SVOP: variants seen among roughly 807,000 people sequenced by gnomAD.
SVOP encodes SV2 related protein.
In SVOP, 17 loss-of-function variants were observed where a neutral mutation model predicts 69.1. The observed-to-expected ratio is 0.25, with a 90% confidence interval of 0.17 to 0.37. SVOP has a LOEUF of 0.37. Among genes scored for constraint, SVOP ranks in the 10% least tolerant of loss-of-function variants. The pLI is 1.00. For missense variants in SVOP, 435 were observed against 597.5 expected, an observed-to-expected ratio of 0.73 and a Z score of 2.84; for synonymous variants, 238 against 238.6, an observed-to-expected ratio of 1.00 and a Z score of 0.02.
At chr12:108,952,825 C>G (rs2039963785) in intron 6 of SVOP, among the ~76,000 whole-genome samples, 1 of 152,146 alleles carries the variant, frequency 6.6e-6, no homozygotes, top group Admixed American at 6.5e-5. Flanking sequence ...TGTTGCTGTA[C>G]TCCAGCCTTG....
chr12:108,985,252 A>C, intron 1 of SVOP, among the ~76,000 whole-genome samples: 1 of 151,774 alleles, frequency 6.6e-6, no homozygotes, highest in Admixed American at 6.6e-5. Flanking sequence ...GAAACAAAGA[A>C]AAGAAAGAAA....
intron 2 of SVOP, 140 bp downstream of exon 2, chr12:108,983,461 C>T (rs1160648544): frequency 2.5e-6 from 1 of 397,716 alleles, no homozygotes; most frequent in Non-Finnish European, 4.4e-6. Flanking sequence ...TATGTAGGCT[C>T]AGCTCCCACT....
chr12:109,001,113 G>T (rs1274149369), intron 1 of SVOP, among the ~76,000 whole-genome samples: 1 of 147,588 alleles, frequency 6.8e-6, no homozygotes, highest in Non-Finnish European at 1.5e-5. Flanking sequence ...CTTCAGCAAA[G>T]TCTCAGGATA....
At position 108,909,507 on chromosome 12, in the gene SVOP, G is replaced by A. The variant is rs938515407; in HGVS notation, c.*3028C>T. 2 of 150,704 alleles carry A rather than the reference G, an allele frequency of 1.3e-5. No individual in the cohort carries two copies. The highest frequency in any genetic ancestry group is 2.1e-4 in the South Asian group (1 of 4,796). The allele number at this position is 150,704 out of a possible 1,614,324, so 9.3% of individuals were successfully genotyped here. A position where few individuals can be genotyped will look rare whatever the true frequency, so the allele number is the denominator to read the frequency against. On this transcript the variant is annotated 3_prime_UTR_variant, in exon 16 of 16. Coordinates refer to ENST00000610966, the MANE Select transcript of SVOP (RefSeq NM_018711.5). ...AAAAAAAAAAGTAATTGCAGTTTTT[G>A]CCATTGAAAATAATGGCAGGGGAGA...
chr12:109,009,569 C>T (rs1593209269), intron 1 of SVOP, among the ~76,000 whole-genome samples: 1 of 151,976 alleles, frequency 6.6e-6, no homozygotes, highest in Non-Finnish European at 1.5e-5. Context: ...CCCGCCACCA[C>T]GCCCAGCTAA....
chr12:108,979,841 C>T (rs1270564080), intron 2 of SVOP, among the ~76,000 whole-genome samples: 3 of 152,000 alleles, frequency 2.0e-5, no homozygotes, highest in Admixed American at 1.3e-4. Context: ...GAAAAAAACA[C>T]AGATATAATT....
At chr12:108,978,227 T>C (rs2040117683) in intron 3 of SVOP, among the ~76,000 whole-genome samples, 1 of 152,196 alleles carries the variant, frequency 6.6e-6, no homozygotes, top group South Asian at 2.1e-4. Context: ...TGAGGGATCA[T>C]GAGAGTCTTG....
At chr12:108,969,896 G>T (rs549519052) in intron 5 of SVOP, among the ~76,000 whole-genome samples, 6 of 152,198 alleles carry the variant, frequency 3.9e-5, no homozygotes, top group Non-Finnish European at 8.8e-5. Flanking sequence ...GGTTAACAGG[G>T]GGGTAATAAC....
intron 13 of SVOP, 81 bp from the exon 14 acceptor site, chr12:108,918,205 C>T: frequency 8.5e-7 from 1 of 1,182,498 alleles, no homozygotes; most frequent in Non-Finnish European, 1.2e-6. Context: ...CAGGCAGTAT[C>T]AATGCCCTAG....
In SVOP at chr12:108,908,145, T is replaced by G. The variant is rs1235282160; in HGVS notation, c.*4390A>C. On this transcript the variant is annotated 3_prime_UTR_variant, in exon 16 of 16. Coordinates refer to ENST00000610966, the MANE Select transcript of SVOP (RefSeq NM_018711.5). ...TATGAGGCTATGGAAGCTCTGTGCATGATTATGCATACACAGCAGCCACAA... is the reference window on the plus strand; with the variant it reads ...TATGAGGCTATGGAAGCTCTGTGCAGGATTATGCATACACAGCAGCCACAA... 6.6e-6 allele frequency: 1 copy of G among 152,214 alleles called. No homozygotes were observed. Among genetic ancestry groups the G allele is most frequent in the Non-Finnish European group, 1.5e-5 (1 of 68,032 alleles). The allele number at this position is 152,214 out of a possible 1,614,324, so 9.4% of individuals were successfully genotyped here. A position where few individuals can be genotyped will look rare whatever the true frequency, so the allele number is the denominator to read the frequency against.
intron 1 of SVOP, among the ~76,000 whole-genome samples, chr12:109,014,510 G>A (rs547145057): frequency 1.2e-4 from 18 of 152,234 alleles, no homozygotes; most frequent in Non-Finnish European, 2.2e-4. Flanking sequence ...ATAGAAGTAC[G>A]AATATCTCTT....
At chr12:109,004,893 A>G (rs1246014693) in intron 1 of SVOP, among the ~76,000 whole-genome samples, 2 of 151,536 alleles carry the variant, frequency 1.3e-5, no homozygotes, top group African/African-American at 4.9e-5. Flanking sequence ...ATCCACCACC[A>G]TGCCTAGCTA....
intron 1 of SVOP, among the ~76,000 whole-genome samples, chr12:108,995,600 A>G (rs1566065256): frequency 6.6e-6 from 1 of 152,212 alleles, no homozygotes. Flanking sequence ...TTGTGAATGT[A>G]CTTAATGCCA....
Position 108,997,701 on chromosome 12 carries a change from A to G in SVOP, c.36-13940T>C, listed in dbSNP as rs1204738029. On this transcript the variant is annotated intron_variant, in intron 1 of 15. Transcript: ENST00000610966. ...GGGAGGCACCCCCCAGCAGGGGCAC[A>G]CTGACAACTCACAAGGCAGGGTATT... Among the ~76,000 whole-genome samples, 8 of 151,512 alleles carry G rather than the reference A, an allele frequency of 5.3e-5. No individual in the cohort carries two copies. The East Asian group carries it at 1.4e-3, about 26-fold the overall frequency.
chr12:108,992,110 G>A (rs138833888), intron 1 of SVOP, among the ~76,000 whole-genome samples: 13 of 152,116 alleles, frequency 8.5e-5, no homozygotes, highest in Admixed American at 2.0e-4. Context: ...CAATATCTGC[G>A]TCCTAGATAC....
Position 108,915,172 on chromosome 12 carries a change from C to CAAAA in SVOP, c.1440+607_1440+610dup, listed in dbSNP as rs78563087. On this transcript the variant is annotated intron_variant, in intron 15 of 15. Coordinates refer to ENST00000610966, the MANE Select transcript of SVOP (RefSeq NM_018711.5). Reference sequence around the variant, plus strand: ...TGGGTGACAAAGCGAGACTCCATCCCAAAAAAAAAAAAAAAAAATCAACTT... The same window carrying CAAAA: ...TGGGTGACAAAGCGAGACTCCATCCCAAAAAAAAAAAAAAAAAAAAAATCAACTT... Among the ~76,000 whole-genome samples, 538 of 113,948 alleles carry CAAAA rather than the reference C, an allele frequency of 4.7e-3. 3 individuals carry two copies. The highest frequency in any genetic ancestry group is 0.019 in the African/African-American group (513 of 27,584). 74.8% of individuals were successfully genotyped at this position (113,948 alleles called of 152,430 possible). A position where few individuals can be genotyped will look rare whatever the true frequency, so the allele number is the denominator to read the frequency against.
At chr12:108,966,722 C>A (rs2040047702) in intron 5 of SVOP, among the ~76,000 whole-genome samples, 1 of 152,142 alleles carries the variant, frequency 6.6e-6, no homozygotes, top group African/African-American at 2.4e-5. Context: ...ATTTATCAAG[C>A]TGTTTGGAAG....
At chr12:108,958,933 CT>C (rs968895850) in intron 6 of SVOP, among the ~76,000 whole-genome samples, 1 of 152,098 alleles carries the variant, frequency 6.6e-6, no homozygotes, top group Non-Finnish European at 1.5e-5. Flanking sequence ...GGCAACTCAG[CT>C]TCCCCCTTCG....
chr12:108,965,644 A>G, intron 5 of SVOP, among the ~76,000 whole-genome samples: 1 of 60,486 alleles, frequency 1.7e-5, no homozygotes, highest in African/African-American at 3.3e-5. Flanking sequence ...AATAAAACAC[A>G]TCGGGGGCCA....
Sources: allele counts gnomAD v4.1 joint callset (sites outside exome capture counted in the v4.1 genomes callset), GRCh38; gene constraint gnomAD v4.1.1; transcripts MANE v1.5; gene names NCBI Gene and HGNC (gene_info 2026-07-23, HGNC 2026-07-21).